The following RXFP1 variants were observed in gnomAD, a reference collection of about 807,000 sequenced individuals.
The protein encoded by RXFP1 is relaxin receptor 1.
RXFP1 carries 73 observed loss-of-function variants against 89.8 expected under a neutral mutation model. The observed-to-expected ratio is 0.81, with a 90% CI of 0.67 to 0.99. RXFP1 has a LOEUF of 0.99. Ranked by LOEUF, RXFP1 falls within the 50% of genes least tolerant of loss-of-function variation. The pLI is 0.00. For synonymous variants in RXFP1, 277 were observed against 305.5 expected, an observed-to-expected ratio of 0.91 and a Z score of 0.97; for missense variants, 793 against 895.5, an observed-to-expected ratio of 0.89 and a Z score of 1.46.
At chr4:158,593,095 A>C (rs1220084231) in intron 2 of RXFP1, among the ~76,000 whole-genome samples, 3 of 127,618 alleles carry the variant, frequency 2.4e-5, no homozygotes, top group South Asian at 2.1e-4. Context: ...TCAAAAAAAA[A>C]AAAACAAAAA....
At chr4:158,572,978 C>A (rs1277680966) in intron 2 of RXFP1, 143 bp downstream of exon 2, 11 of 1,216,860 alleles carry the variant, frequency 9.0e-6, no homozygotes, top group Non-Finnish European at 1.1e-5. Context: ...ACACTTATTT[C>A]AGTAGCTTAA....
intron 2 of RXFP1, among the ~76,000 whole-genome samples, chr4:158,589,054 T>C (rs1487919852): frequency 6.6e-6 from 1 of 152,178 alleles, no homozygotes; most frequent in Non-Finnish European, 1.5e-5. Flanking sequence ...TTGGGAGGAC[T>C]CAGGAAACTT....
chr4:158,537,738 G>A (rs1745615481), intron 1 of RXFP1, among the ~76,000 whole-genome samples: 1 of 152,046 alleles, frequency 6.6e-6, no homozygotes. Flanking sequence ...CCTCACCTAT[G>A]GGAATTTATA....
At position 158,595,420 on chromosome 4, in the gene RXFP1, A is replaced by G. The variant is rs189045567; in HGVS notation, c.286+1921A>G. On this transcript the variant is annotated intron_variant, in intron 3 of 17. Transcript: ENST00000307765. ...GCTCCTCCTCTGTTCTTTTTTTCCTATATAGTGCCTTCCTGGTCATATCCT... is the reference window on the plus strand; with the variant it reads ...GCTCCTCCTCTGTTCTTTTTTTCCTGTATAGTGCCTTCCTGGTCATATCCT... 7.9e-4 allele frequency among the ~76,000 whole-genome samples: 120 copies of G among 152,286 alleles called. 1 individual carries two copies. The highest frequency in any genetic ancestry group is 4.6e-3 in the Admixed American group (70 of 15,294).
At chr4:158,544,176 T>C in intron 1 of RXFP1, 3 of 984,930 alleles carry the variant, frequency 3.0e-6, no homozygotes, top group Non-Finnish European at 3.6e-6. Context: ...GAAATCATTG[T>C]TCCAAATGAA....
intron 1 of RXFP1, among the ~76,000 whole-genome samples, chr4:158,545,231 G>T (rs1747975018): frequency 6.6e-6 from 1 of 151,760 alleles, no homozygotes; most frequent in African/African-American, 2.4e-5. Context: ...TGTTTTTTTG[G>T]CTGCATAAAT....
chr4:158,537,326 C>G (rs911107690), intron 1 of RXFP1, among the ~76,000 whole-genome samples: 1 of 151,964 alleles, frequency 6.6e-6, no homozygotes, highest in African/African-American at 2.4e-5. Context: ...CTTCCCTTGT[C>G]CCCCCAAAAA....
chr4:158,628,594 G>T, intron 10 of RXFP1, 44 bp from the exon 11 acceptor site: 3 of 921,066 alleles, frequency 3.3e-6, no homozygotes, highest in South Asian at 1.5e-5. Context: ...AATTCTTGTC[G>T]GTTACCTAAA....
In RXFP1 at chr4:158,572,717, G is replaced by T; in HGVS notation, c.69G>T (p.Gln23His). The T allele has an allele frequency of 1.2e-6, 2 of 1,614,170 alleles. No homozygotes were observed. Among genetic ancestry groups the T allele is most frequent in the Middle Eastern group, 3.3e-4 (2 of 6,062 alleles). ...CCTCAGTTTCTCATGGGGGTGGACA[G>T]GATGTCAAGTGCTCCCTTGGCTATT... is the stretch of plus-strand genomic sequence containing the variant. ...FGKYFSHGGG[Q>H]DVKCSLGYFP... is the part of the protein sequence containing the mutation. Residue 23 changes from glutamine (Q) to histidine (H), a missense_variant, in exon 2 of 18, where the codon CAG becomes CAT. Transcript: ENST00000307765.
intron 5 of RXFP1, among the ~76,000 whole-genome samples, chr4:158,606,722 T>G (rs561812770): frequency 6.6e-6 from 1 of 151,030 alleles, no homozygotes; most frequent in South Asian, 2.1e-4. Flanking sequence ...TAGCTAGGAC[T>G]ACAGGCATGT....
chr4:158,537,193 AACTAC>A, intron 1 of RXFP1, among the ~76,000 whole-genome samples: 1 of 152,252 alleles, frequency 6.6e-6, no homozygotes, highest in South Asian at 2.1e-4. Flanking sequence ...TTTGATGACA[AACTAC>A]AGCTGTGGGG....
chr4:158,645,253 TTGCTTGTA>T, intron 15 of RXFP1, 115 bp downstream of exon 15: 1 of 727,656 alleles, frequency 1.4e-6, no homozygotes, highest in Non-Finnish European at 2.3e-6. Context: ...TTTCTCCTTT[TTGCTTGTA>T]TGCTGTTTTC....
intron 1 of RXFP1, among the ~76,000 whole-genome samples, chr4:158,544,609 C>T (rs1747740445): frequency 6.6e-6 from 1 of 151,922 alleles, no homozygotes; most frequent in Non-Finnish European, 1.5e-5. Flanking sequence ...ACCCCTACCC[C>T]CCAACAGTCC....
At chr4:158,607,034 A>C in intron 5 of RXFP1, 1 of 1,517,674 alleles carries the variant, frequency 6.6e-7, no homozygotes, top group Non-Finnish European at 8.8e-7. Flanking sequence ...AACAAATTGC[A>C]TATAAACTTT....
At chr4:158,647,938 C>A (rs567563348) in intron 16 of RXFP1, among the ~76,000 whole-genome samples, 2 of 151,804 alleles carry the variant, frequency 1.3e-5, no homozygotes, top group African/African-American at 4.8e-5. Context: ...ATTGCTTGAA[C>A]GCAGAAGGCA....
intron 2 of RXFP1, among the ~76,000 whole-genome samples, chr4:158,581,273 T>TA (rs1254540290): frequency 1.3e-5 from 2 of 152,226 alleles, no homozygotes; most frequent in Non-Finnish European, 2.9e-5. Flanking sequence ...TTAGATATGA[T>TA]AGACTATTTC....
chr4:158,538,121 T>C (rs1436627571), intron 1 of RXFP1, among the ~76,000 whole-genome samples: 1 of 152,198 alleles, frequency 6.6e-6, no homozygotes, highest in East Asian at 1.9e-4. Context: ...AGTTGGTGAA[T>C]AGGTTTGGCC....
intron 1 of RXFP1, among the ~76,000 whole-genome samples, chr4:158,556,319 T>C (rs759898239): frequency 6.0e-5 from 9 of 149,438 alleles, no homozygotes; most frequent in Admixed American, 1.3e-4. Flanking sequence ...TATGAAAAAA[T>C]ACTCAACATC....
intron 1 of RXFP1, among the ~76,000 whole-genome samples, chr4:158,529,250 G>T (rs56070686): frequency 0.1 from 2,264 of 22,432 alleles, 29 homozygotes; most frequent in Non-Finnish European, 0.2. Context: ...GTTTTTTGTT[G>T]TTGTTGTTGT....
Sources: gnomAD v4.1 joint callset for allele counts (sites outside exome capture counted in the v4.1 genomes callset) on GRCh38, gnomAD v4.1.1 for gene constraint, MANE v1.5 for transcripts, NCBI Gene and HGNC (gene_info 2026-07-23, HGNC 2026-07-21) for gene names.